TRHDE: variants seen among roughly 807,000 people sequenced by gnomAD.
The protein encoded by TRHDE is thyrotropin-releasing hormone-degrading ectoenzyme.
TRHDE carries 72 observed loss-of-function variants against 125.7 expected under a neutral mutation model. The observed-to-expected ratio is 0.57, with a 90% confidence interval of 0.47 to 0.70. The LOEUF is 0.70. TRHDE is among the 30% of genes least tolerant of loss of function. TRHDE has a pLI of 0.00. For synonymous variants in TRHDE, 509 were observed against 509.1 expected (o/e 1.00, Z 0.00); for missense variants, 1,110 against 1,327.1 (o/e 0.84, Z 2.54).
chr12:72,382,155 A>G (rs1332890426), intron 3 of TRHDE, among the ~76,000 whole-genome samples: 4 of 152,204 alleles, frequency 2.6e-5, no homozygotes, highest in Non-Finnish European at 5.9e-5. Context: ...TGTCTGAGAC[A>G]TCAAGTGGGG....
intron 15 of TRHDE, among the ~76,000 whole-genome samples, chr12:72,625,987 C>T (rs1463498677): frequency 6.6e-6 from 1 of 151,954 alleles, no homozygotes; most frequent in Non-Finnish European, 1.5e-5. Flanking sequence ...GGTTTTTGAA[C>T]CTGAACATGC....
intron 1 of TRHDE, among the ~76,000 whole-genome samples, chr12:72,280,047 G>T: frequency 6.6e-6 from 1 of 152,072 alleles, no homozygotes; most frequent in East Asian, 1.9e-4. Flanking sequence ...CACTTTTGTT[G>T]TGTCGCTGGA....
At chr12:72,272,204 T>C (rs1314089554), upstream of TRHDE, 5 of 435,494 alleles carry the variant, frequency 1.1e-5, no homozygotes, top group Non-Finnish European at 2.3e-5. This position sits in a 1 kb window ranked among gnomAD's most constrained non-coding sequence, Gnocchi z 6.7. Flanking sequence ...CTTCCCTCTC[T>C]ACACCCTCGC....
At chr12:72,112,505 C>T (rs1875339505) in intron 2 of TRHDE, among the ~76,000 whole-genome samples, 1 of 152,136 alleles carries the variant, frequency 6.6e-6, no homozygotes, top group South Asian at 2.1e-4. Flanking sequence ...TAGTGTAGTA[C>T]AGGGCACACA....
chr12:72,478,884 C>A (rs1877020473), intron 5 of TRHDE, among the ~76,000 whole-genome samples: 1 of 142,334 alleles, frequency 7.0e-6, no homozygotes. Context: ...TGGAATCTAA[C>A]CAGTGGAGAC....
chr12:72,273,691 C>T lies in TRHDE; in HGVS notation c.914+134C>T, dbSNP rs931538174. On this transcript the variant is annotated intron_variant, in intron 1 of 18. Transcript: ENST00000261180. The surrounding 1 kb of genome is among the most constrained non-coding windows in gnomAD (Gnocchi z 5.3). ...AGGGGTGGGGGGAAGGAAACGAAAG[C>T]GGAGTAGGGCAGTCAGAACTCCGGG... 8 of 833,970 alleles carry T rather than the reference C, an allele frequency of 9.6e-6. No homozygotes were observed. The highest frequency in any genetic ancestry group is 1.5e-5 in the Non-Finnish European group (8 of 536,812). The allele number at this position is 833,970 out of a possible 1,614,324, so 51.7% of individuals were successfully genotyped here. A position where few individuals can be genotyped will look rare whatever the true frequency, so the allele number is the denominator to read the frequency against.
chr12:72,630,616 T>G (rs1489664565), intron 15 of TRHDE, among the ~76,000 whole-genome samples: 1 of 151,830 alleles, frequency 6.6e-6, no homozygotes, highest in African/African-American at 2.4e-5. Flanking sequence ...TTGATTTTTT[T>G]CCTTTGTTTG....
intron 5 of TRHDE, among the ~76,000 whole-genome samples, chr12:72,493,633 A>G (rs1029357402): frequency 1.3e-5 from 2 of 151,946 alleles, no homozygotes; most frequent in African/African-American, 4.8e-5. Context: ...CTGACTAGGC[A>G]TGGAAAAATC....
chr12:72,433,770 TAC>T (rs1260955185), intron 3 of TRHDE, among the ~76,000 whole-genome samples: 1 of 150,172 alleles, frequency 6.7e-6, no homozygotes, highest in Non-Finnish European at 1.5e-5. Context: ...TCTTGAGACA[TAC>T]AGAGTCTGGC....
At chr12:72,276,890 AAG>A (rs1447417850) in intron 1 of TRHDE, among the ~76,000 whole-genome samples, 2 of 152,194 alleles carry the variant, frequency 1.3e-5, no homozygotes, top group African/African-American at 4.8e-5. Context: ...TCTCCGACAA[AAG>A]AGTATGCTTG....
At chr12:72,155,298 AT>A (rs565797606) in intron 2 of TRHDE, among the ~76,000 whole-genome samples, 5 of 151,704 alleles carry the variant, frequency 3.3e-5, no homozygotes, top group African/African-American at 1.2e-4. Flanking sequence ...CATTCATCTA[AT>A]TTTTTTTCAA....
At chr12:72,603,742 A>C (rs1022980926) in intron 12 of TRHDE, among the ~76,000 whole-genome samples, 1 of 149,124 alleles carries the variant, frequency 6.7e-6, no homozygotes, top group Non-Finnish European at 1.5e-5. Flanking sequence ...AAAACAAAAA[A>C]CAAAACAAAA....
In TRHDE at chr12:72,649,964, A is replaced by G. The variant is rs182561856; in HGVS notation, c.2676-2358A>G. 2.6e-5 allele frequency among the ~76,000 whole-genome samples: 4 copies of G among 152,288 alleles called. No homozygotes were observed. In the East Asian group the frequency reaches 7.7e-4, roughly 29 times the overall value. ...AAATAGTGCAGCTGCTCTGGTAAAC[A>G]GTATGGAATGTTCTCAAAAAACTAA... On this transcript the variant is annotated intron_variant, in intron 15 of 18. Coordinates refer to ENST00000261180, the MANE Select transcript of TRHDE (RefSeq NM_013381.3).
At chr12:72,548,884 T>C (rs992948640) in intron 7 of TRHDE, among the ~76,000 whole-genome samples, 1 of 151,836 alleles carries the variant, frequency 6.6e-6, no homozygotes, top group African/African-American at 2.4e-5. Flanking sequence ...AAGATCATTA[T>C]TAAGCTTGAT....
At chr12:72,372,896 C>G (rs1403320691) in intron 2 of TRHDE, among the ~76,000 whole-genome samples, 1 of 152,206 alleles carries the variant, frequency 6.6e-6, no homozygotes, top group African/African-American at 2.4e-5. Flanking sequence ...TCCCTATGAA[C>G]TTTAAAGTAG....
intron 2 of TRHDE, among the ~76,000 whole-genome samples, chr12:72,198,269 A>G (rs1043994460): frequency 1.3e-5 from 2 of 152,122 alleles, no homozygotes; most frequent in Admixed American, 1.3e-4. Context: ...CTTATGAACA[A>G]TTATGTACAA....
intron 6 of TRHDE, among the ~76,000 whole-genome samples, chr12:72,508,803 T>C (rs1010178464): frequency 2.6e-5 from 4 of 152,138 alleles, no homozygotes; most frequent in African/African-American, 9.7e-5. Flanking sequence ...GATTGAATCA[T>C]GGGGGTGGAT....
intron 7 of TRHDE, among the ~76,000 whole-genome samples, chr12:72,561,527 T>G (rs1260687449): frequency 6.6e-6 from 1 of 152,186 alleles, no homozygotes; most frequent in Non-Finnish European, 1.5e-5. Context: ...TGTATAGGTT[T>G]TACCACTAAT....
At chr12:72,167,508 T>C (rs1037091797) in intron 2 of TRHDE, 1 of 152,152 alleles carries the variant, frequency 6.6e-6, no homozygotes, top group Non-Finnish European at 1.5e-5. Flanking sequence ...CACACAATAC[T>C]TTTTCTGACC....
Sources: gnomAD v4.1 joint callset for allele counts (sites outside exome capture counted in the v4.1 genomes callset) on GRCh38, gnomAD v4.1.1 for gene constraint, Gnocchi (gnomAD v3.1) non-coding constraint, MANE v1.5 for transcripts, NCBI Gene and HGNC (gene_info 2026-07-23, HGNC 2026-07-21) for gene names.